The following PLXNA2 variants were observed in gnomAD, a reference collection of about 807,000 sequenced individuals.
The protein encoded by PLXNA2 is plexin A2, also known as plexin-A2.
A neutral mutation model predicts 193.5 loss-of-function variants in PLXNA2; 91 were observed. The observed-to-expected ratio is 0.47, with a 90% CI of 0.40 to 0.56. PLXNA2 has a LOEUF of 0.56. Among genes scored for constraint, PLXNA2 ranks in the 20% least tolerant of loss-of-function variants. The probability of loss-of-function intolerance (pLI) is 0.00; values close to 1 mark genes in which losing one functional copy is unlikely to be tolerated. For synonymous variants in PLXNA2, 997 were observed against 1,027.3 expected, an observed-to-expected ratio of 0.97 and a Z score of 0.56; for missense variants, 1,995 against 2,503.2, an observed-to-expected ratio of 0.80 and a Z score of 4.33.
chr1:208,030,486 A>G, intron 29 of PLXNA2: 1 of 985,126 alleles, frequency 1.0e-6, no homozygotes, highest in Non-Finnish European at 1.2e-6. Context: ...CTGTCCTGGC[A>G]AAGTGGACTG....
chr1:208,222,515 G>C (rs1365623241), intron 1 of PLXNA2, among the ~76,000 whole-genome samples: 1 of 152,166 alleles, frequency 6.6e-6, no homozygotes, highest in African/African-American at 2.4e-5. Flanking sequence ...ATTTTATGTG[G>C]AGGGCCCGAT....
Position 208,217,578 on chromosome 1 carries a change from C to G in PLXNA2, c.345G>C (p.Lys115Asn). ...TCTCAGAGTAGTCAATGATGAGCAG[C>G]TTGTTGACATTGTTGGTGAGGGTGA... ...EVLTLTNNVN[K>N]LLIIDYSENR... Residue 115 changes from lysine (K) to asparagine (N), a missense_variant, in exon 2 of 32, where the codon AAG becomes AAC. By Grantham distance (94) the Lys-to-Asn change is moderately conservative. Coordinates refer to ENST00000367033, the MANE Select transcript of PLXNA2 (RefSeq NM_025179.4). This position sits in a 1 kb window ranked among gnomAD's most constrained non-coding sequence, Gnocchi z 4.7. 6.2e-7 allele frequency: 1 copy of G among 1,614,180 alleles called. No homozygotes were observed. Among genetic ancestry groups the G allele is most frequent in the Non-Finnish European group, 8.5e-7 (1 of 1,180,036 alleles).
intron 3 of PLXNA2, among the ~76,000 whole-genome samples, chr1:208,152,835 G>GTCT (rs1668813313): frequency 8.0e-6 from 1 of 124,524 alleles, no homozygotes; most frequent in African/African-American, 3.5e-5. Context: ...CAGCTTTTTC[G>GTCT]TCTTCACGCC....
chr1:208,199,218 T>G (rs1041060043), intron 3 of PLXNA2, among the ~76,000 whole-genome samples: 2 of 152,150 alleles, frequency 1.3e-5, no homozygotes, highest in Admixed American at 6.5e-5. Flanking sequence ...CTGAGATGTG[T>G]GGACTGAGGG....
intron 3 of PLXNA2, among the ~76,000 whole-genome samples, chr1:208,171,008 G>A (rs1412119685): frequency 2.6e-5 from 4 of 152,224 alleles, no homozygotes; most frequent in Non-Finnish European, 4.4e-5. Flanking sequence ...GGAGGCTGAG[G>A]AAGGAAGACT....
intron 1 of PLXNA2, among the ~76,000 whole-genome samples, chr1:208,226,623 G>T (rs1461387662): frequency 6.6e-6 from 1 of 152,274 alleles, no homozygotes; most frequent in Non-Finnish European, 1.5e-5. Context: ...GAGATACACC[G>T]CCTGACCCTG....
At chr1:208,132,336 G>C (rs997551290) in intron 4 of PLXNA2, among the ~76,000 whole-genome samples, 3 of 152,200 alleles carry the variant, frequency 2.0e-5, no homozygotes, top group African/African-American at 7.2e-5. Flanking sequence ...AGCAGGAGGG[G>C]AGGAGCCTTC....
intron 4 of PLXNA2, among the ~76,000 whole-genome samples, chr1:208,120,133 C>T (rs997298527): frequency 3.3e-5 from 5 of 152,324 alleles, no homozygotes; most frequent in African/African-American, 7.2e-5. Flanking sequence ...GATTTAGCCC[C>T]GGCTGGGTGC....
At chr1:208,168,050 A>G (rs750378318) in intron 3 of PLXNA2, among the ~76,000 whole-genome samples, 4 of 152,232 alleles carry the variant, frequency 2.6e-5, no homozygotes, top group Non-Finnish European at 4.4e-5. Context: ...CTGTGGTTCA[A>G]ATCCTGGTTT....
chr1:208,031,489 A>G (rs531754157), intron 29 of PLXNA2, 101 bp downstream of exon 29: 2 of 1,476,108 alleles, frequency 1.4e-6, no homozygotes, highest in African/African-American at 2.8e-5. Context: ...GCCCCAGCCG[A>G]GAATAGGCTA....
Position 208,033,600 on chromosome 1 carries a change from C to T in PLXNA2, c.4865-91G>A, listed in dbSNP as rs1178648689. On this transcript the variant is annotated intron_variant, in intron 27 of 31. Transcript: ENST00000367033. ...CAGAATCCCTGCCCGCCTGCTGCATCCACTCAGAATAAACTCATTTCAGCT... is the reference window on the plus strand; with the variant it reads ...CAGAATCCCTGCCCGCCTGCTGCATTCACTCAGAATAAACTCATTTCAGCT... 5 of 1,081,086 alleles carry T rather than the reference C, an allele frequency of 4.6e-6. No individual in the cohort carries two copies. In the South Asian group the frequency reaches 8.7e-5, roughly 19 times the overall value. The allele number at this position is 1,081,086 out of a possible 1,614,324, so 67.0% of individuals were successfully genotyped here. A position where few individuals can be genotyped will look rare whatever the true frequency, so the allele number is the denominator to read the frequency against.
chr1:208,110,718 G>T (rs1390387946), intron 4 of PLXNA2, among the ~76,000 whole-genome samples: 3 of 152,158 alleles, frequency 2.0e-5, no homozygotes, highest in Non-Finnish European at 4.4e-5. Context: ...AACAAAATTG[G>T]TGTCTAAGTT....
In PLXNA2 at chr1:208,082,521, G is replaced by A. The variant is rs375563381; in HGVS notation, c.2299-13C>T. 51 of 1,606,984 alleles carry A rather than the reference G, an allele frequency of 3.2e-5. No individual in the cohort carries two copies. In the Admixed American group the frequency reaches 7.0e-4, roughly 22 times the overall value. On this transcript the variant is annotated splice_polypyrimidine_tract_variant and intron_variant, in intron 10 of 31. Transcript: ENST00000367033. The surrounding 1 kb of genome is among the most constrained non-coding windows in gnomAD (Gnocchi z 4.2). ...CATCATACTGGTACTATAGGGAGAC[G>A]GGCAGAGGCATGGGGCTCATGTGGC...
intron 3 of PLXNA2, among the ~76,000 whole-genome samples, chr1:208,185,157 G>T (rs963379219): frequency 6.6e-6 from 1 of 152,202 alleles, no homozygotes; most frequent in African/African-American, 2.4e-5. Context: ...CTTCTAGGCT[G>T]CAGGGATTTG....
chr1:208,110,966 C>A (rs929815410), intron 4 of PLXNA2, among the ~76,000 whole-genome samples: 1 of 152,212 alleles, frequency 6.6e-6, no homozygotes, highest in African/African-American at 2.4e-5. Context: ...AACAGTGATT[C>A]AGCTGGGTGA....
chr1:208,084,178 G>A (rs112696261), intron 10 of PLXNA2, among the ~76,000 whole-genome samples: 74 of 152,362 alleles, frequency 4.9e-4, no homozygotes, highest in African/African-American at 1.7e-3. Flanking sequence ...GGGTCCTCAC[G>A]GAACTGTCTC....
rs555510262 is a variant in PLXNA2 at position 208,038,683 on chromosome 1, C to T, written c.4660+142G>A. 4.8e-5 allele frequency: 44 copies of T among 911,954 alleles called. No individual in the cohort carries two copies. The highest frequency in any genetic ancestry group is 2.6e-4 in the African/African-American group (16 of 61,104). 56.5% of individuals were successfully genotyped at this position (911,954 alleles called of 1,614,324 possible). A position where few individuals can be genotyped will look rare whatever the true frequency, so the allele number is the denominator to read the frequency against. On this transcript the variant is annotated intron_variant, in intron 25 of 31. Transcript: ENST00000367033. The surrounding 1 kb of genome is among the most constrained non-coding windows in gnomAD (Gnocchi z 4.1). Reference sequence around the variant, plus strand: ...CCAGAGACAGCCACATCTGAACAGGCAGCGCTCAAAGCGGGAAGCATTTCA... The same window carrying T: ...CCAGAGACAGCCACATCTGAACAGGTAGCGCTCAAAGCGGGAAGCATTTCA...
At position 208,042,237 on chromosome 1, in the gene PLXNA2, G is replaced by C. The variant is rs777291583; in HGVS notation, c.4147C>G (p.Arg1383Gly). 6.2e-7 allele frequency: 1 copy of C among 1,614,232 alleles called. No individual in the cohort carries two copies. The highest frequency in any genetic ancestry group is 8.5e-7 in the Non-Finnish European group (1 of 1,180,040). The change falls in exon 22 of 32, where the codon CGG becomes GGG. Residue 1383 changes from arginine to glycine, a missense_variant. Around this residue, in one of 3 missense-constraint regions of PLXNA2, gnomAD observed 1,291 missense variants for 1,673.6 expected, o/e 0.77. Transcript: ENST00000367033. ...ELQRSFSMRD[R>G]GNVASLIMTG... ...ATGATGAGCGAAGCCACGTTGCCCC[G>C]GTCGCGCATGGAGAAACTGCGCTGC... is the stretch of plus-strand genomic sequence containing the variant.
chr1:208,022,475 T>A lies in PLXNA2; in HGVS notation c.*4768A>T, dbSNP rs1558149557. The A allele has an allele frequency of 6.6e-6, 1 of 152,628 alleles. No homozygotes were observed. The highest frequency in any genetic ancestry group is 1.5e-5 in the Non-Finnish European group (1 of 68,032). 9.5% of individuals were successfully genotyped at this position (152,628 alleles called of 1,614,324 possible). On this transcript the variant is annotated 3_prime_UTR_variant, in exon 32 of 32. Coordinates refer to ENST00000367033, the MANE Select transcript of PLXNA2 (RefSeq NM_025179.4). ...AAACAACAAAACCAGACAACCATCATTGTATTTTCTTAAAAATATATATAA... is the reference window on the plus strand; with the variant it reads ...AAACAACAAAACCAGACAACCATCAATGTATTTTCTTAAAAATATATATAA...
Sources: allele counts gnomAD v4.1 joint callset (sites outside exome capture counted in the v4.1 genomes callset), GRCh38; gene constraint gnomAD v4.1.1; regional missense constraint gnomAD v4.1.1; non-coding constraint Gnocchi (gnomAD v3.1); transcripts MANE v1.5; gene names NCBI Gene and HGNC (gene_info 2026-07-23, HGNC 2026-07-21).